The following SLC35F3 variants were observed in gnomAD, a reference collection of about 807,000 sequenced individuals.
SLC35F3 encodes solute carrier family 35 member F3.
SLC35F3 carries 25 observed loss-of-function variants against 49.9 expected under a neutral mutation model. The observed-to-expected ratio is 0.50, with a 90% CI of 0.37 to 0.70. The LOEUF is 0.70. Among genes scored for constraint, SLC35F3 ranks in the 30% least tolerant of loss-of-function variants. The pLI, the probability that SLC35F3 is intolerant of heterozygous loss-of-function variation, is 0.00. For missense variants in SLC35F3, 525 were observed against 639.8 expected (o/e 0.82, Z 1.94); for synonymous variants, 275 against 265.4 (o/e 1.04, Z -0.35).
At chr1:234,240,672 G>C (rs1474280333) in intron 3 of SLC35F3, among the ~76,000 whole-genome samples, 1 of 152,088 alleles carries the variant, frequency 6.6e-6, no homozygotes, top group African/African-American at 2.4e-5. Context: ...CTAAAATGAT[G>C]ATGATGATCA....
At chr1:234,250,981 A>G (rs886297422) in intron 3 of SLC35F3, among the ~76,000 whole-genome samples, 3 of 152,136 alleles carry the variant, frequency 2.0e-5, no homozygotes, top group African/African-American at 4.8e-5. Context: ...AGATTTCAAC[A>G]TGAGATTTGG....
Position 234,214,084 on chromosome 1 carries a change from G to T in SLC35F3, c.284-17333G>T. 1 of 743,498 alleles carries T rather than the reference G, an allele frequency of 1.3e-6. No homozygotes were observed. Among genetic ancestry groups the T allele is most frequent in the Non-Finnish European group, 1.7e-6 (1 of 603,588 alleles). 46.1% of individuals were successfully genotyped at this position (743,498 alleles called of 1,614,324 possible). ...TTTTAAAGGGCTTCTCAGAGAGGTG[G>T]TGGCCAGAGGCTGCAGTCAGGACCT... On this transcript the variant is annotated intron_variant, in intron 2 of 7. Transcript: ENST00000366618. The surrounding 1 kb of genome is among the most constrained non-coding windows in gnomAD (Gnocchi z 8.0).
At chr1:234,314,883 C>T (rs1474568578) in intron 4 of SLC35F3, among the ~76,000 whole-genome samples, 1 of 152,186 alleles carries the variant, frequency 6.6e-6, no homozygotes, top group Non-Finnish European at 1.5e-5. Context: ...CCTCTGATGC[C>T]TGCCCGGTTT....
At chr1:234,121,955 G>A (rs1049890312) in intron 2 of SLC35F3, among the ~76,000 whole-genome samples, 6 of 130,336 alleles carry the variant, frequency 4.6e-5, no homozygotes, top group African/African-American at 1.5e-4. Context: ...TCTTAATCCA[G>A]TCTATCAATC....
intron 2 of SLC35F3, among the ~76,000 whole-genome samples, chr1:234,038,127 C>T (rs945244722): frequency 7.7e-6 from 1 of 129,174 alleles, no homozygotes; most frequent in African/African-American, 2.9e-5. Flanking sequence ...CCCCACCCCA[C>T]AACAGTCCCC....
At chr1:234,077,530 C>T (rs1285799729) in intron 2 of SLC35F3, among the ~76,000 whole-genome samples, 1 of 152,200 alleles carries the variant, frequency 6.6e-6, no homozygotes, top group Non-Finnish European at 1.5e-5. Flanking sequence ...ATTCAATTAC[C>T]TCCACCTTGT....
At chr1:234,040,453 C>T (rs188761249) in intron 2 of SLC35F3, among the ~76,000 whole-genome samples, 260 of 152,278 alleles carry the variant, frequency 1.7e-3, no homozygotes, top group Non-Finnish European at 2.8e-3. Flanking sequence ...ACTTGAAGGC[C>T]GGGCTTCACC....
intron 2 of SLC35F3, among the ~76,000 whole-genome samples, chr1:234,012,358 C>T (rs1045340697): frequency 5.3e-5 from 8 of 152,234 alleles, no homozygotes; most frequent in African/African-American, 1.7e-4. Context: ...AGGCTTTCCT[C>T]TTTTACTAAT....
intron 2 of SLC35F3, among the ~76,000 whole-genome samples, chr1:233,984,064 T>C (rs12759054): frequency 0.25 from 38,273 of 152,112 alleles, 5,132 homozygotes; most frequent in East Asian, 0.38. Flanking sequence ...GATATGTTTC[T>C]CCTCTATGCT....
Position 234,323,323 on chromosome 1 carries a change from A to G in SLC35F3, c.*80A>G, listed in dbSNP as rs1215054836. The G allele has an allele frequency of 4.0e-6, 5 of 1,238,388 alleles. No individual in the cohort carries two copies. The highest frequency in any genetic ancestry group is 3.0e-5 in the African/African-American group (2 of 66,266). The allele number at this position is 1,238,388 out of a possible 1,614,324, so 76.7% of individuals were successfully genotyped here. On this transcript the variant is annotated 3_prime_UTR_variant, in exon 8 of 8. Coordinates refer to ENST00000366618, the MANE Select transcript of SLC35F3 (RefSeq NM_173508.4). This position sits in a 1 kb window ranked among gnomAD's most constrained non-coding sequence, Gnocchi z 4.5. Reference sequence around the variant, plus strand: ...GGAACCTCAGTTGGGTAAGGTGTACATACCTGTACAGTTTTGGTCATCTGC... The same window carrying G: ...GGAACCTCAGTTGGGTAAGGTGTACGTACCTGTACAGTTTTGGTCATCTGC...
intron 2 of SLC35F3, among the ~76,000 whole-genome samples, chr1:233,912,335 C>CG (rs1174733320): frequency 1.3e-5 from 2 of 151,728 alleles, no homozygotes; most frequent in Admixed American, 1.3e-4. Context: ...AAAATTAGAC[C>CG]GGCATGGTGG....
intron 2 of SLC35F3, among the ~76,000 whole-genome samples, chr1:234,108,899 A>G (rs971502537): frequency 6.6e-6 from 1 of 150,872 alleles, no homozygotes; most frequent in African/African-American, 2.4e-5. Context: ...TGCTATAGCC[A>G]TTACCAGATG....
intron 2 of SLC35F3, among the ~76,000 whole-genome samples, chr1:233,951,072 C>T (rs1399220640): frequency 6.6e-6 from 1 of 151,426 alleles, no homozygotes; most frequent in Non-Finnish European, 1.5e-5. Context: ...TTTTCATGTC[C>T]AGCTTCATGC....
At chr1:233,959,978 G>A (rs1662768070) in intron 2 of SLC35F3, among the ~76,000 whole-genome samples, 1 of 152,148 alleles carries the variant, frequency 6.6e-6, no homozygotes, top group Non-Finnish European at 1.5e-5. Flanking sequence ...TTGGGGACAG[G>A]ACCTAGACAT....
chr1:234,311,371 C>T (rs915934839), intron 4 of SLC35F3, among the ~76,000 whole-genome samples: 1 of 152,182 alleles, frequency 6.6e-6, no homozygotes, highest in Non-Finnish European at 1.5e-5. Context: ...TCACTCAGAC[C>T]TGGGTTGGCT....
intron 2 of SLC35F3, among the ~76,000 whole-genome samples, chr1:234,187,433 G>C (rs1039703046): frequency 6.6e-6 from 1 of 152,142 alleles, no homozygotes; most frequent in Admixed American, 6.5e-5. Context: ...GCTTTCACTC[G>C]GATGGATAGA....
chr1:234,004,228 A>T (rs939534021), intron 2 of SLC35F3, among the ~76,000 whole-genome samples: 4 of 152,210 alleles, frequency 2.6e-5, no homozygotes, highest in Admixed American at 2.6e-4. Flanking sequence ...TATAAATAAA[A>T]TATACTAAAT....
intron 3 of SLC35F3, among the ~76,000 whole-genome samples, chr1:234,242,648 C>T (rs1667571635): frequency 6.6e-6 from 1 of 152,166 alleles, no homozygotes; most frequent in South Asian, 2.1e-4. Context: ...ATTACATACA[C>T]CTCCTAGGCT....
chr1:234,040,186 C>CGCCTCTCTCCTCTGAAGTCAAGTT (rs1664199868), intron 2 of SLC35F3, among the ~76,000 whole-genome samples: 1 of 152,042 alleles, frequency 6.6e-6, no homozygotes, highest in African/African-American at 2.4e-5. Context: ...GTTGCCTCTC[C>CGCCTCTCTCCTCTGAAGTCAAGTT]GCCTCTCTCC....
Sources: gnomAD v4.1 joint callset for allele counts (sites outside exome capture counted in the v4.1 genomes callset) on GRCh38, gnomAD v4.1.1 for gene constraint, Gnocchi (gnomAD v3.1) non-coding constraint, MANE v1.5 for transcripts, NCBI Gene and HGNC (gene_info 2026-07-23, HGNC 2026-07-21) for gene names.